The following PKHD1L1 variants were observed in gnomAD, a reference collection of about 807,000 sequenced individuals.
The protein encoded by PKHD1L1 is PKHD1 like 1.
In PKHD1L1, 434 loss-of-function variants were observed where a neutral mutation model predicts 462.9. The ratio of observed to expected loss-of-function variants is 0.94; its 90% confidence interval spans 0.87 to 1.02. PKHD1L1 has a LOEUF of 1.02. Ranked by LOEUF, PKHD1L1 falls within the 50% of genes least tolerant of loss-of-function variation. The probability of loss-of-function intolerance (pLI) is 0.00; values close to 1 mark genes in which losing one functional copy is unlikely to be tolerated. For synonymous variants in PKHD1L1, 1,781 were observed against 1,750.0 expected, an observed-to-expected ratio of 1.02 and a Z score of -0.44; for missense variants, 5,202 against 5,096.1, an observed-to-expected ratio of 1.02 and a Z score of -0.63.
intron 32 of PKHD1L1, among the ~76,000 whole-genome samples, chr8:109,439,764 A>G (rs979748204): frequency 6.6e-6 from 1 of 152,096 alleles, no homozygotes; most frequent in African/African-American, 2.4e-5. Flanking sequence ...TGAGGAAGTT[A>G]TTGGTTTGGA....
At position 109,526,767 on chromosome 8, in the gene PKHD1L1, ATGCTTT is replaced by A. The variant is rs1820836170; in HGVS notation, c.12485-15_12485-10del. 1.3e-6 allele frequency: 2 copies of A among 1,534,864 alleles called. No homozygotes were observed. Among genetic ancestry groups the A allele is most frequent in the African/African-American group, 2.8e-5 (2 of 72,566 alleles). On this transcript the variant is annotated splice_polypyrimidine_tract_variant and intron_variant, in intron 76 of 77. Transcript: ENST00000378402. ...AACATAAAGGAAATCAAACACTATG[ATGCTTT>A]TTTTTTCCAGGAAAAAATTATAAGA... is the stretch of plus-strand genomic sequence containing the variant.
rs1022943459 is a variant in PKHD1L1, at chr8:109,405,106, T to G, written c.1645T>G (p.Leu549Val). Reference protein sequence around the residue: ...ANSCSLYQYRLIYNMEKTVFL... With the variant: ...ANSCSLYQYRVIYNMEKTVFL... ...TTCATGTTCACTTTACCAATATAGA[T>G]TAATCTATAATATGGAAAAAACTGG... The change falls in exon 16 of 78, where the codon TTA becomes GTA. Residue 549 changes from leucine to valine, a missense_variant. Physicochemically the swap from Leu to Val is conservative, Grantham distance 32 (BLOSUM62 1). This residue lies in a region of PKHD1L1 where 4,497 missense variants were observed against 4,336.8 expected (regional missense o/e 1.04). Coordinates refer to ENST00000378402, the MANE Select transcript of PKHD1L1 (RefSeq NM_177531.6). 3.3e-6 allele frequency: 5 copies of G among 1,496,058 alleles called. 1 individual carries two copies. The Admixed American group carries it at 5.8e-5, about 17-fold the overall frequency. The allele number at this position is 1,496,058 out of a possible 1,614,324, so 92.7% of individuals were successfully genotyped here. A position where few individuals can be genotyped will look rare whatever the true frequency, so the allele number is the denominator to read the frequency against.
rs918950506 is a variant in PKHD1L1 at position 109,531,479 on chromosome 8, G to A, written c.*1389G>A. Among the ~76,000 whole-genome samples, 38 of 152,096 alleles carry A rather than the reference G, an allele frequency of 2.5e-4. 2 individuals are homozygous for A. Among genetic ancestry groups the A allele is most frequent in the Admixed American group, 2.2e-3 (34 of 15,254 alleles). ...ACAGAGAGATAGAGACAGAGACAGA[G>A]AGGGAGGGGGAGAGAGAGATAGATA... On this transcript the variant is annotated 3_prime_UTR_variant, in exon 78 of 78. Transcript: ENST00000378402.
At chr8:109,516,313 G>T (rs530463208) in intron 72 of PKHD1L1, among the ~76,000 whole-genome samples, 1 of 152,194 alleles carries the variant, frequency 6.6e-6, no homozygotes, top group African/African-American at 2.4e-5. Flanking sequence ...TGAGATCAGG[G>T]TGCCATGATG....
In PKHD1L1 at chr8:109,449,407, T is replaced by C. The variant is rs1424346776; in HGVS notation, c.6095T>C (p.Leu2032Ser). 1 of 1,592,004 alleles carries C rather than the reference T, an allele frequency of 6.3e-7. No individual in the cohort carries two copies. Among genetic ancestry groups the C allele is most frequent in the African/African-American group, 1.3e-5 (1 of 74,648 alleles). The change falls in exon 40 of 78, where the codon TTA (leucine) becomes TCA (serine). Residue 2032 changes from leucine to serine, a missense_variant. Transcript: ENST00000378402. ...TTTAATCCACAAAATTCAATTATAT[T>C]AGTTTGTGGCTCAGAATGTGCAATT... ...TGFNPQNSII[L>S]VCGSECAIDR...
chr8:109,492,898 ATTGT>A (rs974171449), intron 62 of PKHD1L1, among the ~76,000 whole-genome samples: 1 of 151,846 alleles, frequency 6.6e-6, no homozygotes, highest in Non-Finnish European at 1.5e-5. Context: ...ATAAAATAAA[ATTGT>A]TTGTAATTAC....
Position 109,362,486 on chromosome 8 carries a change from CG to C in PKHD1L1, c.-92del. On this transcript the variant is annotated 5_prime_UTR_variant, in exon 1 of 78. Coordinates refer to ENST00000378402, the MANE Select transcript of PKHD1L1 (RefSeq NM_177531.6). ...GTTCCCCAGCTCTCCCGGGACGAAG[CG>C]GGCCCGCCAGCGAGTCGCAGTCCCA... 1 of 1,257,880 alleles carries C rather than the reference CG, an allele frequency of 7.9e-7. No homozygotes were observed. The highest frequency in any genetic ancestry group is 1.3e-5 in the South Asian group (1 of 76,752). The allele number at this position is 1,257,880 out of a possible 1,614,324, so 77.9% of individuals were successfully genotyped here.
rs773521207 is a variant in PKHD1L1 at position 109,448,132 on chromosome 8, T to C, written c.5777-11T>C. 6.3e-7 allele frequency: 1 copy of C among 1,580,090 alleles called. No homozygotes were observed. The highest frequency in any genetic ancestry group is 8.6e-7 in the Non-Finnish European group (1 of 1,164,232). ...GATATATTTATATTGTGTGCTTTTT[T>C]TTTTTTTAAGGTCCACCAGGAACTG... On this transcript the variant is annotated splice_polypyrimidine_tract_variant and intron_variant, in intron 38 of 77. Coordinates refer to ENST00000378402, the MANE Select transcript of PKHD1L1 (RefSeq NM_177531.6).
chr8:109,487,890 G>GAGGAAGGAAGGGAGGAAGGA (rs1818621276), intron 59 of PKHD1L1, among the ~76,000 whole-genome samples: 1 of 69,296 alleles, frequency 1.4e-5, no homozygotes, highest in Non-Finnish European at 2.9e-5. Context: ...GAGAGAGAGA[G>GAGGAAGGAAGGGAGGAAGGA]AGGAAGGAAG....
At chr8:109,488,775 G>T (rs1473257044) in intron 59 of PKHD1L1, among the ~76,000 whole-genome samples, 1 of 151,884 alleles carries the variant, frequency 6.6e-6, no homozygotes, top group Middle Eastern at 3.2e-3. Flanking sequence ...TGATGGTGAT[G>T]GTAATGACGA....
intron 2 of PKHD1L1, among the ~76,000 whole-genome samples, chr8:109,365,399 T>G (rs1382703668): frequency 2.0e-5 from 3 of 152,140 alleles, no homozygotes; most frequent in Non-Finnish European, 4.4e-5. Flanking sequence ...TTATATAATG[T>G]AATGTCTTTT....
At chr8:109,446,593 ATCT>A (rs1360217133) in intron 38 of PKHD1L1, among the ~76,000 whole-genome samples, 5 of 152,190 alleles carry the variant, frequency 3.3e-5, no homozygotes, top group African/African-American at 4.8e-5. Flanking sequence ...TGCTGTCGAA[ATCT>A]TCTTTAATAT....
intron 16 of PKHD1L1, among the ~76,000 whole-genome samples, chr8:109,405,960 A>G (rs921982145): frequency 6.6e-6 from 1 of 152,202 alleles, no homozygotes; most frequent in African/African-American, 2.4e-5. Flanking sequence ...CCAATTTATC[A>G]GCCAATAAAC....
intron 67 of PKHD1L1, among the ~76,000 whole-genome samples, chr8:109,499,565 G>C (rs1819297459): frequency 6.6e-6 from 1 of 152,128 alleles, no homozygotes; most frequent in South Asian, 2.1e-4. Context: ...ATATGCTCCA[G>C]AATATTATAA....
chr8:109,412,816 A>G (rs1481401195), intron 20 of PKHD1L1, among the ~76,000 whole-genome samples: 1 of 152,114 alleles, frequency 6.6e-6, no homozygotes, highest in Non-Finnish European at 1.5e-5. Context: ...CAAAATTAGG[A>G]GCAGAGGAGA....
chr8:109,444,044 T>C (rs1231587179), intron 37 of PKHD1L1, 142 bp downstream of exon 37: 1 of 741,296 alleles, frequency 1.3e-6, no homozygotes, highest in African/African-American at 1.8e-5. Flanking sequence ...AAGTGTACAA[T>C]TCATAAACTT....
Position 109,486,726 on chromosome 8 carries a change from A to G in PKHD1L1, c.9785A>G (p.Lys3262Arg). 4 of 1,612,526 alleles carry G rather than the reference A, an allele frequency of 2.5e-6. No homozygotes were observed. Among genetic ancestry groups the G allele is most frequent in the South Asian group, 2.2e-5 (2 of 91,046 alleles). Reference protein sequence around the residue: ...ADVGILSRNIKIVGEDYPGWS... With the variant: ...ADVGILSRNIRIVGEDYPGWS... ...GTTGGGATACTGAGTAGGAACATCA[A>G]AATAGTTGGTGAAGATTACCCCGGT... is the stretch of plus-strand genomic sequence containing the variant. The change falls in exon 59 of 78, where the codon AAA becomes AGA. Residue 3262 changes from lysine (K) to arginine (R), a missense_variant. By Grantham distance (26) the Lys-to-Arg change is conservative. Transcript: ENST00000378402.
chr8:109,364,640 T>C lies in PKHD1L1; in HGVS notation c.163+4T>C. The C allele has an allele frequency of 7.1e-7, 1 of 1,412,098 alleles. No homozygotes were observed. The highest frequency in any genetic ancestry group is 9.6e-7 in the Non-Finnish European group (1 of 1,045,276). The allele number at this position is 1,412,098 out of a possible 1,614,324, so 87.5% of individuals were successfully genotyped here. A position where few individuals can be genotyped will look rare whatever the true frequency, so the allele number is the denominator to read the frequency against. On this transcript the variant is annotated splice_donor_region_variant and intron_variant, in intron 2 of 77. Transcript: ENST00000378402. Reference sequence around the variant, plus strand: ...AGGCTGACTATAAGAGGGGAAGGTATCGTTGCTTTTTTTTTTTTTTTTTTG... The same window carrying C: ...AGGCTGACTATAAGAGGGGAAGGTACCGTTGCTTTTTTTTTTTTTTTTTTG...
Position 109,448,392 on chromosome 8 carries a change from G to T in PKHD1L1, c.6025+1G>T. 1 of 1,602,736 alleles carries T rather than the reference G, an allele frequency of 6.2e-7. No individual in the cohort carries two copies. Among genetic ancestry groups the T allele is most frequent in the South Asian group, 1.1e-5 (1 of 89,194 alleles). The stretch of plus-strand genomic sequence containing the variant: ...ATTCAAAATATTAATCCAAGCCAAG[G>T]TAGTCATAAGTATGCAAGAACCTGC... On this transcript the variant is annotated splice_donor_variant, in intron 39 of 77. Coordinates refer to ENST00000378402, the MANE Select transcript of PKHD1L1 (RefSeq NM_177531.6). LOFTEE classifies it high-confidence loss of function.
Sources: allele counts gnomAD v4.1 joint callset (sites outside exome capture counted in the v4.1 genomes callset), GRCh38; gene constraint gnomAD v4.1.1; regional missense constraint gnomAD v4.1.1; transcripts MANE v1.5; gene names NCBI Gene and HGNC (gene_info 2026-07-23, HGNC 2026-07-21).